DOCK2: variants seen among roughly 807,000 people sequenced by gnomAD.
DOCK2 encodes the protein dedicator of cytokinesis protein 2.
In DOCK2, 87 loss-of-function variants were observed where a neutral mutation model predicts 248.9. The ratio of observed to expected loss-of-function variants is 0.35; its 90% confidence interval spans 0.29 to 0.42. The LOEUF is 0.42. Among genes scored for constraint, DOCK2 ranks in the 10% least tolerant of loss-of-function variants. The pLI, the probability that DOCK2 is intolerant of heterozygous loss-of-function variation, is 1.00. For missense variants in DOCK2, 1,747 were observed against 2,300.2 expected, an observed-to-expected ratio of 0.76 and a Z score of 4.92; for synonymous variants, 805 against 821.6, an observed-to-expected ratio of 0.98 and a Z score of 0.35.
intron 27 of DOCK2, among the ~76,000 whole-genome samples, chr5:169,981,868 G>A (rs984660445): frequency 6.6e-6 from 1 of 152,102 alleles, no homozygotes; most frequent in East Asian, 1.9e-4. Context: ...ACAATAGAGT[G>A]TTAACATAAC....
intron 26 of DOCK2, among the ~76,000 whole-genome samples, chr5:169,805,696 C>T (rs1767316033): frequency 6.6e-6 from 1 of 152,228 alleles, no homozygotes; most frequent in Non-Finnish European, 1.5e-5. Flanking sequence ...CCCTTTTGCA[C>T]ATTCCCTGAC....
At chr5:169,832,927 A>G (rs1769320087) in intron 26 of DOCK2, among the ~76,000 whole-genome samples, 1 of 152,138 alleles carries the variant, frequency 6.6e-6, no homozygotes, top group Non-Finnish European at 1.5e-5. Flanking sequence ...AGCACTGAAA[A>G]GGCCTAAAGA....
intron 27 of DOCK2, among the ~76,000 whole-genome samples, chr5:169,903,390 G>A (rs997740874): frequency 2.0e-5 from 3 of 151,544 alleles, no homozygotes; most frequent in East Asian, 3.9e-4. Flanking sequence ...TCGGGGTGCC[G>A]CAGGAGTCCC....
intron 27 of DOCK2, among the ~76,000 whole-genome samples, chr5:169,903,001 G>A (rs981164972): frequency 2.0e-5 from 3 of 152,096 alleles, no homozygotes; most frequent in Middle Eastern, 3.2e-3. Flanking sequence ...GGGAGGCTGA[G>A]GCAGGAGAAT....
intron 32 of DOCK2, among the ~76,000 whole-genome samples, chr5:170,016,595 G>T (rs759549513): frequency 6.6e-5 from 10 of 152,208 alleles, no homozygotes; most frequent in Non-Finnish European, 1.5e-4. Flanking sequence ...TGACTGTAAA[G>T]AATGCAGATC....
rs139507149 is a variant in DOCK2 at position 169,886,551 on chromosome 5, A to G, written c.2799+45699A>G. On this transcript the variant is annotated intron_variant, in intron 27 of 51. Coordinates refer to ENST00000520908, the MANE Select transcript of DOCK2 (RefSeq NM_004946.3). Reference sequence around the variant, plus strand: ...CCCAATTCCCTAGTCCATAATAGTTATTTTCATTAATAGTAACAAATATGT... The same window carrying G: ...CCCAATTCCCTAGTCCATAATAGTTGTTTTCATTAATAGTAACAAATATGT... Among the ~76,000 whole-genome samples, 835 of 152,238 alleles carry G rather than the reference A, an allele frequency of 5.5e-3. 7 individuals are homozygous for G. Among genetic ancestry groups the G allele is most frequent in the African/African-American group, 0.017 (707 of 41,536 alleles).
chr5:170,017,835 T>C (rs1755587415), intron 32 of DOCK2, among the ~76,000 whole-genome samples: 1 of 152,246 alleles, frequency 6.6e-6, no homozygotes. Context: ...CCCTTGGCAC[T>C]GATTCTTCTG....
intron 9 of DOCK2, among the ~76,000 whole-genome samples, chr5:169,694,395 A>C (rs1376624347): frequency 6.6e-6 from 1 of 152,230 alleles, no homozygotes; most frequent in Non-Finnish European, 1.5e-5. Flanking sequence ...AGATTCGAGC[A>C]TGAAGTCAGG....
At chr5:169,691,310 C>T (rs1029406674) in intron 9 of DOCK2, among the ~76,000 whole-genome samples, 2 of 152,178 alleles carry the variant, frequency 1.3e-5, no homozygotes, top group Admixed American at 6.5e-5. Flanking sequence ...GGCCCCACCT[C>T]CAGCCTGGGG....
At chr5:169,650,178 T>G (rs1050387032) in intron 1 of DOCK2, among the ~76,000 whole-genome samples, 1 of 152,186 alleles carries the variant, frequency 6.6e-6, no homozygotes, top group Non-Finnish European at 1.5e-5. Flanking sequence ...AGGTACTACA[T>G]ACTGTGTCTA....
intron 39 of DOCK2, among the ~76,000 whole-genome samples, chr5:170,046,654 T>A (rs952442611): frequency 6.6e-6 from 1 of 152,180 alleles, no homozygotes; most frequent in African/African-American, 2.4e-5. Flanking sequence ...TCACTGTTTG[T>A]AAGATAATAC....
intron 26 of DOCK2, among the ~76,000 whole-genome samples, chr5:169,834,959 C>A (rs573064653): frequency 4.6e-5 from 7 of 152,100 alleles, no homozygotes; most frequent in Non-Finnish European, 1.0e-4. Flanking sequence ...GCAGAAGAGA[C>A]CATTGTAAAT....
At chr5:169,801,228 C>G (rs1464228403) in intron 25 of DOCK2, among the ~76,000 whole-genome samples, 1 of 141,478 alleles carries the variant, frequency 7.1e-6, no homozygotes, top group Non-Finnish European at 1.5e-5. Context: ...TCTGACACTC[C>G]TGACCTCAAG....
At chr5:169,882,415 G>A (rs1208118013) in intron 27 of DOCK2, 1 of 689,108 alleles carries the variant, frequency 1.5e-6, no homozygotes, top group African/African-American at 1.8e-5. Flanking sequence ...GGAGGTCTGT[G>A]GTTATGATTT....
At chr5:169,647,020 G>A (rs960571336) in intron 1 of DOCK2, among the ~76,000 whole-genome samples, 5 of 152,228 alleles carry the variant, frequency 3.3e-5, no homozygotes, top group Non-Finnish European at 7.3e-5. Flanking sequence ...CTCTCTTTCT[G>A]TATGAGGCAG....
intron 22 of DOCK2, among the ~76,000 whole-genome samples, chr5:169,727,593 T>G (rs1762549399): frequency 6.6e-6 from 1 of 152,194 alleles, no homozygotes; most frequent in Non-Finnish European, 1.5e-5. Context: ...AGATCCTACC[T>G]TTTACTCTTA....
At chr5:169,844,813 G>A (rs1411064895) in intron 27 of DOCK2, among the ~76,000 whole-genome samples, 4 of 150,960 alleles carry the variant, frequency 2.6e-5, no homozygotes, top group African/African-American at 9.8e-5. Context: ...TAAGGCTTGT[G>A]CCTATTTGTG....
At chr5:169,779,867 G>C (rs1020262732) in intron 25 of DOCK2, among the ~76,000 whole-genome samples, 1 of 152,122 alleles carries the variant, frequency 6.6e-6, no homozygotes, top group African/African-American at 2.4e-5. Flanking sequence ...GTCCCCTCAG[G>C]TTCCAGGTGT....
chr5:169,688,861 G>T (rs1034253480), intron 8 of DOCK2, among the ~76,000 whole-genome samples: 2 of 152,094 alleles, frequency 1.3e-5, no homozygotes, highest in African/African-American at 4.8e-5. Flanking sequence ...AATGGGGAAC[G>T]GGCCGGAAAG....
Sources: gnomAD v4.1 joint callset for allele counts (sites outside exome capture counted in the v4.1 genomes callset) on GRCh38, gnomAD v4.1.1 for gene constraint, MANE v1.5 for transcripts, NCBI Gene and HGNC (gene_info 2026-07-23, HGNC 2026-07-21) for gene names.